Variants in YPEL1 observed in about 807,000 individuals in gnomAD.
The protein encoded by YPEL1 is yippee like 1.
A neutral mutation model predicts 17.3 loss-of-function variants in YPEL1; 7 were observed. The ratio of observed to expected loss-of-function variants is 0.40; its 90% CI spans 0.23 to 0.76. The LOEUF (loss-of-function observed/expected upper bound fraction) is 0.76. Among genes scored for constraint, YPEL1 ranks in the 30% least tolerant of loss-of-function variants. The pLI, the probability that YPEL1 is intolerant of heterozygous loss-of-function variation, is 0.35. For synonymous variants in YPEL1, 59 were observed against 59.6 expected (o/e 0.99, Z 0.05); for missense variants, 91 against 155.5 (o/e 0.59, Z 2.21).
Position 21,703,730 on chromosome 22 carries a change from T to C in YPEL1, c.161+109A>G. 1 of 1,292,506 alleles carries C rather than the reference T, an allele frequency of 7.7e-7. No homozygotes were observed. The highest frequency in any genetic ancestry group is 1.1e-6 in the Non-Finnish European group (1 of 934,336). The allele number at this position is 1,292,506 out of a possible 1,614,324, so 80.1% of individuals were successfully genotyped here. A position where few individuals can be genotyped will look rare whatever the true frequency, so the allele number is the denominator to read the frequency against. On this transcript the variant is annotated intron_variant, in intron 3 of 4. Transcript: ENST00000339468. This position sits in a 1 kb window ranked among gnomAD's most constrained non-coding sequence, Gnocchi z 6.1. ...TCCCGGCGGGGGGATGGTGGGTTCT[T>C]TCAGGACCCCTAAAGACCCAGGTGA...
In YPEL1 at chr22:21,710,616, T is replaced by C. The variant is rs374287416; in HGVS notation, c.117+12A>G. 1.1e-4 allele frequency: 176 copies of C among 1,612,008 alleles called. No homozygotes were observed. In the African/African-American group the frequency reaches 2.2e-3, roughly 20 times the overall value. ...TCATTGTGCCATCAATTTTTTGGCA[T>C]AAGCCACTTGCCTTGGAGATGAGCT... On this transcript the variant is annotated intron_variant, in intron 2 of 4. Transcript: ENST00000339468.
chr22:21,703,772 G>A lies in YPEL1; in HGVS notation c.161+67C>T. ...CCCAGGTGATTCTACACAGGGCACT[G>A]TGTAGGTGCCATCCAGGCCGTCCCA... On this transcript the variant is annotated intron_variant, in intron 3 of 4. Coordinates refer to ENST00000339468, the MANE Select transcript of YPEL1 (RefSeq NM_013313.5). The surrounding 1 kb of genome is among the most constrained non-coding windows in gnomAD (Gnocchi z 6.1). The A allele has an allele frequency of 6.5e-7, 1 of 1,536,282 alleles. No individual in the cohort carries two copies. The highest frequency in any genetic ancestry group is 1.8e-5 in the Admixed American group (1 of 54,886).
At chr22:21,706,938 T>A (rs2148598483) in intron 2 of YPEL1, among the ~76,000 whole-genome samples, 1 of 152,260 alleles carries the variant, frequency 6.6e-6, no homozygotes, top group African/African-American at 2.4e-5. Flanking sequence ...GAGTGTCATT[T>A]GAGCCCTTTA....
At chr22:21,730,973 C>A (rs761048714) in intron 1 of YPEL1, among the ~76,000 whole-genome samples, 8 of 152,206 alleles carry the variant, frequency 5.3e-5, no homozygotes, top group Non-Finnish European at 1.2e-4. Context: ...TTGTACTGAG[C>A]GCTTCTTTTC....
At position 21,698,447 on chromosome 22, in the gene YPEL1, T is replaced by A. The variant is rs2068022399; in HGVS notation, c.*2682A>T. The A allele has an allele frequency of 6.6e-6, 1 of 152,322 alleles. No individual in the cohort carries two copies. The highest frequency in any genetic ancestry group is 2.4e-5 in the African/African-American group (1 of 41,444). 9.4% of individuals were successfully genotyped at this position (152,322 alleles called of 1,614,324 possible). A position where few individuals can be genotyped will look rare whatever the true frequency, so the allele number is the denominator to read the frequency against. ...ACCACTCGGTAGAGTTTTAGAAGTT[T>A]CTTCCATGTAAGTGAAGCATCTTGA... On this transcript the variant is annotated 3_prime_UTR_variant, in exon 5 of 5. Coordinates refer to ENST00000339468, the MANE Select transcript of YPEL1 (RefSeq NM_013313.5).
At chr22:21,728,867 G>A (rs1569066523) in intron 1 of YPEL1, among the ~76,000 whole-genome samples, 1 of 152,152 alleles carries the variant, frequency 6.6e-6, no homozygotes. Context: ...AAAAGCCCAG[G>A]CACACTGGCT....
chr22:21,720,949 C>T (rs749060124), intron 1 of YPEL1, among the ~76,000 whole-genome samples: 4 of 151,022 alleles, frequency 2.6e-5, no homozygotes, highest in Non-Finnish European at 4.4e-5. Context: ...GCTGGGACTA[C>T]AGGTGCACAC....
At chr22:21,721,276 C>T (rs2068279918) in intron 1 of YPEL1, among the ~76,000 whole-genome samples, 1 of 151,636 alleles carries the variant, frequency 6.6e-6, no homozygotes, top group African/African-American at 2.4e-5. Flanking sequence ...CCACGCCCGG[C>T]TAATTTTTTT....
intron 1 of YPEL1, among the ~76,000 whole-genome samples, chr22:21,734,642 G>A (rs2068419659): frequency 6.6e-6 from 1 of 152,106 alleles, no homozygotes; most frequent in African/African-American, 2.4e-5. Flanking sequence ...CACTACCATT[G>A]CCTCGCAAGA....
intron 1 of YPEL1, among the ~76,000 whole-genome samples, chr22:21,714,984 G>A (rs2068206923): frequency 6.6e-6 from 1 of 152,194 alleles, no homozygotes; most frequent in Admixed American, 6.5e-5. Flanking sequence ...AGCCATATCG[G>A]TCGTGGAATG....
chr22:21,702,197 C>T lies in YPEL1; in HGVS notation c.271-979G>A, dbSNP rs1218870523. 5.3e-5 allele frequency among the ~76,000 whole-genome samples: 8 copies of T among 152,296 alleles called. No individual in the cohort carries two copies. In the East Asian group the frequency reaches 1.5e-3, roughly 29 times the overall value. On this transcript the variant is annotated intron_variant, in intron 4 of 4. Coordinates refer to ENST00000339468, the MANE Select transcript of YPEL1 (RefSeq NM_013313.5). Reference sequence around the variant, plus strand: ...ACCCAAGCGGCAGCCCCAGGTGTGGCAGACACAGGAAGGACTGTGCCAGCA... The same window carrying T: ...ACCCAAGCGGCAGCCCCAGGTGTGGTAGACACAGGAAGGACTGTGCCAGCA...
chr22:21,710,546 T>C, intron 2 of YPEL1, 82 bp downstream of exon 2: 1 of 1,195,238 alleles, frequency 8.4e-7, no homozygotes, highest in Non-Finnish European at 1.3e-6. Context: ...AGTCATGTGA[T>C]GCTTAAATAT....
Position 21,701,167 on chromosome 22 carries a change from CAAT to C in YPEL1, c.319_321del (p.Ile107del), listed in dbSNP as rs749154627. 2 of 1,614,004 alleles carry C rather than the reference CAAT, an allele frequency of 1.2e-6. No individual in the cohort carries two copies. The highest frequency in any genetic ancestry group is 1.7e-6 in the Non-Finnish European group (2 of 1,179,924). On this transcript the variant is annotated inframe_deletion, in exon 5 of 5. Transcript: ENST00000339468. ...TTGTCTTTGATCATATGAGCAAGCT[CAAT>C]GATGAATTTTCCTTCCTTATATTTC...
chr22:21,707,327 G>C (rs1299736325), intron 2 of YPEL1, among the ~76,000 whole-genome samples: 3 of 152,172 alleles, frequency 2.0e-5, no homozygotes, highest in South Asian at 4.1e-4. Flanking sequence ...TGAGACAGAA[G>C]ACTTGCTTGA....
chr22:21,727,783 T>C (rs796258350), intron 1 of YPEL1, among the ~76,000 whole-genome samples: 10 of 152,300 alleles, frequency 6.6e-5, no homozygotes, highest in African/African-American at 2.2e-4. Flanking sequence ...CTGGGGCACC[T>C]GTGTAGAGGA....
chr22:21,718,044 T>C lies in YPEL1; in HGVS notation c.-164-7136A>G, dbSNP rs138681561. Among the ~76,000 whole-genome samples the C allele has an allele frequency of 5.0e-4, 76 of 151,666 alleles. 1 individual carries two copies. The East Asian group carries it at 0.014, about 27-fold the overall frequency. On this transcript the variant is annotated intron_variant, in intron 1 of 4. Transcript: ENST00000339468. The stretch of plus-strand genomic sequence containing the variant: ...TACTAGGGAGGCTGAAGTGGGAGGA[T>C]TGCTTGAGCCCAAGGGGTCGAGGCT...
intron 2 of YPEL1, among the ~76,000 whole-genome samples, chr22:21,709,679 C>T (rs2068146305): frequency 6.6e-6 from 1 of 152,168 alleles, no homozygotes; most frequent in East Asian, 1.9e-4. Flanking sequence ...AAAGGCACAA[C>T]TTCCTGACAA....
In YPEL1 at chr22:21,700,995, T is replaced by C; in HGVS notation, c.*134A>G. ...CCTTACCCACAGAGATGGCCGAGAG[T>C]GTCAAGAGCTATGCGCAGCTAGCCT... On this transcript the variant is annotated 3_prime_UTR_variant, in exon 5 of 5. Transcript: ENST00000339468. 1.5e-6 allele frequency: 1 copy of C among 648,440 alleles called. No homozygotes were observed. The highest frequency in any genetic ancestry group is 2.1e-5 in the South Asian group (1 of 47,806). The allele number at this position is 648,440 out of a possible 1,614,324, so 40.2% of individuals were successfully genotyped here. A position where few individuals can be genotyped will look rare whatever the true frequency, so the allele number is the denominator to read the frequency against.
chr22:21,726,737 C>T (rs1301926766), intron 1 of YPEL1, among the ~76,000 whole-genome samples: 1 of 152,026 alleles, frequency 6.6e-6, no homozygotes, highest in Non-Finnish European at 1.5e-5. Flanking sequence ...CTTGCTGGCC[C>T]CTTCCTGCAC....
Sources: gnomAD v4.1 joint callset for allele counts (sites outside exome capture counted in the v4.1 genomes callset) on GRCh38, gnomAD v4.1.1 for gene constraint, Gnocchi (gnomAD v3.1) non-coding constraint, MANE v1.5 for transcripts, NCBI Gene and HGNC (gene_info 2026-07-23, HGNC 2026-07-21) for gene names.